The following CYP2J2 variants were observed in gnomAD, a reference collection of about 807,000 sequenced individuals.
CYP2J2 encodes the protein cytochrome P450 2J2.
Under a neutral mutation model 48.8 loss-of-function variants are expected in CYP2J2, and 41 were observed. That is an observed-to-expected ratio of 0.84 (90% CI 0.66 to 1.09). The LOEUF is 1.09. Among genes scored for constraint, CYP2J2 ranks in the 50% least tolerant of loss-of-function variants. The probability of loss-of-function intolerance (pLI) is 0.00; values close to 1 mark genes in which losing one functional copy is unlikely to be tolerated. For missense variants in CYP2J2, 644 were observed against 617.3 expected (o/e 1.04, Z -0.46); for synonymous variants, 221 against 227.1 (o/e 0.97, Z 0.24).
chr1:59,911,266 G>C (rs1205814747), intron 4 of CYP2J2, among the ~76,000 whole-genome samples: 3 of 152,140 alleles, frequency 2.0e-5, no homozygotes, highest in Admixed American at 6.6e-5. Context: ...TGAGGGAGGA[G>C]GGAAATGGAC....
At chr1:59,955,598 C>A in the CYP2J2 span, among the ~76,000 whole-genome samples, 1 of 151,944 alleles carries the variant, frequency 6.6e-6, no homozygotes, top group Admixed American at 6.6e-5. Flanking sequence ...ACACTAAGAC[C>A]AGGTAATTAA....
chr1:59,932,854 T>A, the CYP2J2 span, among the ~76,000 whole-genome samples: 1 of 151,990 alleles, frequency 6.6e-6, no homozygotes, highest in Non-Finnish European at 1.5e-5. Flanking sequence ...GCACATGGCA[T>A]TATGCTTGGC....
chr1:59,904,833 C>T (rs775840842), intron 7 of CYP2J2, 38 bp downstream of exon 7: 7 of 1,557,228 alleles, frequency 4.5e-6, no homozygotes, highest in Admixed American at 1.8e-5. Flanking sequence ...CAAGTTTCTA[C>T]CCCCCTAAAA....
At chr1:59,947,832 G>A in the CYP2J2 span, among the ~76,000 whole-genome samples, 1 of 151,788 alleles carries the variant, frequency 6.6e-6, no homozygotes, top group Non-Finnish European at 1.5e-5. Flanking sequence ...GCTTCTGCAT[G>A]TATAATCTTG....
the CYP2J2 span, among the ~76,000 whole-genome samples, chr1:59,950,899 G>A: frequency 2.0e-5 from 3 of 152,186 alleles, no homozygotes; most frequent in Admixed American, 6.5e-5. Context: ...CATGTTGGCT[G>A]GCTTCCAAGA....
rs774630526 is a variant in CYP2J2, at chr1:59,896,803, C to A, written c.1331-2974G>T. ...AAAAAGAAAGTTATAAAGACAAAAC[C>A]ATAAAATGTTTGTAATCCCATAATC... On this transcript the variant is annotated intron_variant, in intron 8 of 8. Transcript: ENST00000371204. 2.0e-4 allele frequency among the ~76,000 whole-genome samples: 31 copies of A among 152,158 alleles called. 1 individual carries two copies. Among genetic ancestry groups the A allele is most frequent in the Non-Finnish European group, 4.4e-4 (30 of 68,034 alleles).
At chr1:59,952,511 T>C in the CYP2J2 span, among the ~76,000 whole-genome samples, 2 of 151,958 alleles carry the variant, frequency 1.3e-5, no homozygotes, top group Non-Finnish European at 2.9e-5. Flanking sequence ...CATTGTCTAA[T>C]TGGTGTTGGA....
the CYP2J2 span, among the ~76,000 whole-genome samples, chr1:59,961,432 C>T: frequency 6.6e-6 from 1 of 152,276 alleles, no homozygotes; most frequent in South Asian, 2.1e-4. Context: ...GATATTACTT[C>T]ACACCCACTA....
chr1:59,948,032 C>T, the CYP2J2 span, among the ~76,000 whole-genome samples: 1 of 152,150 alleles, frequency 6.6e-6, no homozygotes, highest in Non-Finnish European at 1.5e-5. Flanking sequence ...TTTGCATTTG[C>T]ACCAGGGGTT....
At chr1:59,928,975 A>G (rs1001166310), upstream of CYP2J2, among the ~76,000 whole-genome samples, 1 of 152,248 alleles carries the variant, frequency 6.6e-6, no homozygotes, top group Non-Finnish European at 1.5e-5. Flanking sequence ...CCCAAATTTA[A>G]TTGCATCAAA....
Position 59,926,627 on chromosome 1 carries a change from T to C in CYP2J2, c.120A>G (p.Pro40=), listed in dbSNP as rs1248015084. The change falls in exon 1 of 9, where the codon CCA becomes CCG. Residue 40 remains proline (P), a synonymous_variant. Coordinates refer to ENST00000371204, the MANE Select transcript of CYP2J2 (RefSeq NM_000775.4). ...LAADFLKRRR[P]KNYPPGPWRL... ...GCCAGGGCCCCGGCGGGTAGTTCTTTGGGCGCCGTCTTTTGAGAAAGTCAG... is the reference window on the plus strand; with the variant it reads ...GCCAGGGCCCCGGCGGGTAGTTCTTCGGGCGCCGTCTTTTGAGAAAGTCAG... The C allele has an allele frequency of 6.2e-7, 1 of 1,614,204 alleles. No homozygotes were observed. The highest frequency in any genetic ancestry group is 1.7e-5 in the Admixed American group (1 of 60,032).
the CYP2J2 span, among the ~76,000 whole-genome samples, chr1:59,964,674 TATG>T: frequency 6.6e-6 from 1 of 152,256 alleles, no homozygotes; most frequent in Non-Finnish European, 1.5e-5. Context: ...GTAAATTCCA[TATG>T]ATAAGCTTGC....
chr1:59,893,945 C>CCTT, intron 8 of CYP2J2, 116 bp from the exon 9 acceptor site: 2 of 974,240 alleles, frequency 2.1e-6, no homozygotes, highest in Non-Finnish European at 3.0e-6. Context: ...GCCTGTAGGC[C>CCTT]CCAGGGTGTT....
the CYP2J2 span, among the ~76,000 whole-genome samples, chr1:59,968,636 G>A: frequency 5.3e-5 from 8 of 152,350 alleles, no homozygotes; most frequent in East Asian, 1.5e-3. Flanking sequence ...AGTTTGTGTG[G>A]CTCCACGGAC....
the CYP2J2 span, among the ~76,000 whole-genome samples, chr1:59,940,491 G>A: frequency 6.6e-6 from 1 of 152,124 alleles, no homozygotes; most frequent in Non-Finnish European, 1.5e-5. Context: ...TTTTAATGGC[G>A]AAAACTGCAA....
the CYP2J2 span, among the ~76,000 whole-genome samples, chr1:59,932,943 T>G: frequency 6.6e-6 from 1 of 152,152 alleles, no homozygotes; most frequent in African/African-American, 2.4e-5. Context: ...TCTAGTGATC[T>G]GCCCTCTTCA....
chr1:59,926,415 C>A, intron 1 of CYP2J2, 122 bp downstream of exon 1: 1 of 786,894 alleles, frequency 1.3e-6, no homozygotes, highest in Non-Finnish European at 2.2e-6. Flanking sequence ...ACCAGGTTAC[C>A]AGCGTTAGCC....
the CYP2J2 span, among the ~76,000 whole-genome samples, chr1:59,939,854 C>T: frequency 6.6e-6 from 1 of 152,196 alleles, no homozygotes; most frequent in East Asian, 1.9e-4. Flanking sequence ...CCCATGGCCA[C>T]CGCCACCACA....
rs752284838 is a variant in CYP2J2, at chr1:59,926,722, C to A, written c.25G>T (p.Ala9Ser). Residue 9 changes from alanine (A) to serine (S), a missense_variant, in exon 1 of 9, where the codon GCG becomes TCG. Transcript: ENST00000371204. ...TGGACCACTGCCCAGAGGGCAGCCGCCAGAGAGCCCATCGCCGCGAGCATG... is the reference window on the plus strand; with the variant it reads ...TGGACCACTGCCCAGAGGGCAGCCGACAGAGAGCCCATCGCCGCGAGCATG... MLAAMGSL[A>S]AALWAVVHPR... The A allele has an allele frequency of 3.1e-6, 5 of 1,613,724 alleles. No individual in the cohort carries two copies. In the South Asian group the frequency reaches 3.3e-5, roughly 11 times the overall value.
Sources: gnomAD v4.1 joint callset for allele counts (sites outside exome capture counted in the v4.1 genomes callset) on GRCh38, gnomAD v4.1.1 for gene constraint, MANE v1.5 for transcripts, NCBI Gene and HGNC (gene_info 2026-07-23, HGNC 2026-07-21) for gene names.